HPSE2: variants seen among roughly 807,000 people sequenced by gnomAD.
The protein encoded by HPSE2 is inactive heparanase-2.
In HPSE2, 38 loss-of-function variants were observed where a neutral mutation model predicts 60.5. The observed-to-expected ratio is 0.63, with a 90% CI of 0.48 to 0.82. HPSE2 has a LOEUF of 0.82. HPSE2 is among the 40% of genes least tolerant of loss of function. HPSE2 has a pLI of 0.00. For missense variants in HPSE2, 713 were observed against 740.4 expected, an observed-to-expected ratio of 0.96 and a Z score of 0.43; for synonymous variants, 295 against 293.2, an observed-to-expected ratio of 1.01 and a Z score of -0.06.
At chr10:99,105,653 C>T (rs7100135) in intron 3 of HPSE2, among the ~76,000 whole-genome samples, 127,828 of 151,752 alleles carry the variant, frequency 0.84, 54,889 homozygotes, top group South Asian at 0.97. Flanking sequence ...TATCATTTTT[C>T]TCATGGCCCT....
At chr10:99,168,746 T>C (rs1299597027) in intron 2 of HPSE2, among the ~76,000 whole-genome samples, 3 of 152,196 alleles carry the variant, frequency 2.0e-5, no homozygotes, top group Non-Finnish European at 2.9e-5. Context: ...TTCTTGGCAT[T>C]ATTGTGCTGG....
intron 3 of HPSE2, among the ~76,000 whole-genome samples, chr10:99,039,953 A>C (rs1957699700): frequency 6.6e-6 from 1 of 152,200 alleles, no homozygotes; most frequent in Admixed American, 6.5e-5. Flanking sequence ...ATTTTCAAGT[A>C]CAAATGTCTA....
rs903304506 is a variant in HPSE2 at position 98,692,535 on chromosome 10, G to A, written c.1004+1365C>T. Among the ~76,000 whole-genome samples the A allele has an allele frequency of 3.9e-5, 6 of 152,166 alleles. 1 individual carries two copies. The highest frequency in any genetic ancestry group is 6.5e-5 in the Admixed American group (1 of 15,280). On this transcript the variant is annotated intron_variant, in intron 6 of 11. Transcript: ENST00000370552. The stretch of plus-strand genomic sequence containing the variant: ...TGTAATCCCAGCACTTTGGGAGGCC[G>A]AGGTGGGTGGATCACGAGGTCAGGA...
At chr10:99,141,406 C>T (rs939638384) in intron 3 of HPSE2, among the ~76,000 whole-genome samples, 6 of 152,152 alleles carry the variant, frequency 3.9e-5, no homozygotes, top group Non-Finnish European at 8.8e-5. Context: ...ACCCTCTAGG[C>T]TAGGTGAGGC....
At chr10:99,007,843 C>G (rs1367339100) in intron 3 of HPSE2, among the ~76,000 whole-genome samples, 1 of 152,148 alleles carries the variant, frequency 6.6e-6, no homozygotes, top group Non-Finnish European at 1.5e-5. Context: ...AGTTCCTTAC[C>G]CAGGTCCAAC....
At chr10:98,461,380 G>A (rs1414126867) in intron 11 of HPSE2, among the ~76,000 whole-genome samples, 3 of 130,688 alleles carry the variant, frequency 2.3e-5, no homozygotes, top group Non-Finnish European at 4.9e-5. Flanking sequence ...GGAGAGCGAG[G>A]CCTGCCTCTG....
intron 6 of HPSE2, among the ~76,000 whole-genome samples, chr10:98,664,960 C>T (rs746130132): frequency 6.6e-6 from 1 of 152,126 alleles, no homozygotes; most frequent in Non-Finnish European, 1.5e-5. Flanking sequence ...ATTGAAATGA[C>T]TGAAATGACA....
At chr10:99,261,784 C>G in the HPSE2 span, among the ~76,000 whole-genome samples, 3 of 152,208 alleles carry the variant, frequency 2.0e-5, no homozygotes, top group African/African-American at 7.2e-5. Context: ...AGCCACATCT[C>G]CAGCACAAAA....
At chr10:98,667,907 A>G (rs778186960) in intron 6 of HPSE2, among the ~76,000 whole-genome samples, 53 of 152,226 alleles carry the variant, frequency 3.5e-4, no homozygotes, top group Non-Finnish European at 6.6e-4. Context: ...TCTATTCAAC[A>G]TGGTATTGGA....
At chr10:98,718,428 C>A (rs1948842701) in intron 5 of HPSE2, among the ~76,000 whole-genome samples, 1 of 152,106 alleles carries the variant, frequency 6.6e-6, no homozygotes, top group African/African-American at 2.4e-5. Flanking sequence ...CCCAGCAATC[C>A]CACCTATGGG....
chr10:98,806,434 G>A (rs1000859873), intron 3 of HPSE2, among the ~76,000 whole-genome samples: 2 of 152,148 alleles, frequency 1.3e-5, no homozygotes, highest in East Asian at 1.9e-4. Flanking sequence ...CAGGGAGCTC[G>A]TGGAATAGAG....
At chr10:99,039,595 T>C (rs774380204) in intron 3 of HPSE2, among the ~76,000 whole-genome samples, 9 of 151,626 alleles carry the variant, frequency 5.9e-5, no homozygotes, top group Admixed American at 2.0e-4. Flanking sequence ...CAGCTGGTAC[T>C]CTGGTCTGTG....
At chr10:98,843,269 C>T (rs1305643768) in intron 3 of HPSE2, among the ~76,000 whole-genome samples, 1 of 152,084 alleles carries the variant, frequency 6.6e-6, no homozygotes, top group African/African-American at 2.4e-5. Flanking sequence ...TCATTTAGCT[C>T]CCACTTATAA....
chr10:98,985,407 GGAGA>G (rs1302200042), intron 3 of HPSE2, among the ~76,000 whole-genome samples: 1 of 152,110 alleles, frequency 6.6e-6, no homozygotes, highest in Non-Finnish European at 1.5e-5. Context: ...CATAAGTGAA[GGAGA>G]AATAAAATAC....
chr10:98,979,499 C>A (rs558694584), intron 3 of HPSE2, among the ~76,000 whole-genome samples: 2 of 152,268 alleles, frequency 1.3e-5, no homozygotes, highest in East Asian at 1.9e-4. Context: ...GAAAAAATTA[C>A]ATCCTTTTCA....
chr10:99,008,412 G>A (rs1360829336), intron 3 of HPSE2, among the ~76,000 whole-genome samples: 1 of 152,110 alleles, frequency 6.6e-6, no homozygotes, highest in Non-Finnish European at 1.5e-5. Flanking sequence ...GAGTCTTTAT[G>A]TTCAGAAAAA....
At chr10:99,264,127 G>A in the HPSE2 span, among the ~76,000 whole-genome samples, 29 of 144,500 alleles carry the variant, frequency 2.0e-4, no homozygotes, top group Admixed American at 4.2e-4. Context: ...TCACTCTGTC[G>A]CCCAGGCTGG....
chr10:99,101,723 CA>C (rs1844000501), intron 3 of HPSE2, among the ~76,000 whole-genome samples: 1 of 152,200 alleles, frequency 6.6e-6, no homozygotes, highest in Non-Finnish European at 1.5e-5. Context: ...AAACTGACCA[CA>C]TAGTTGGAAG....
At chr10:98,582,204 A>G (rs929446181) in intron 9 of HPSE2, among the ~76,000 whole-genome samples, 1 of 152,226 alleles carries the variant, frequency 6.6e-6, no homozygotes, top group East Asian at 1.9e-4. Context: ...TGTGTTGAAA[A>G]TGTAAACGGA....
Sources: allele counts gnomAD v4.1 joint callset (sites outside exome capture counted in the v4.1 genomes callset), GRCh38; gene constraint gnomAD v4.1.1; transcripts MANE v1.5; gene names NCBI Gene and HGNC (gene_info 2026-07-23, HGNC 2026-07-21).